The following DLEU7 variants were observed in gnomAD, a reference collection of about 807,000 sequenced individuals.
The protein encoded by DLEU7 is deleted in lymphocytic leukemia 7, also known as leukemia-associated protein 7.
Under a neutral mutation model 16.0 loss-of-function variants are expected in DLEU7, and 17 were observed. The observed-to-expected ratio is 1.06, with a 90% CI of 0.73 to 1.59. The LOEUF is 1.59. Ranked by LOEUF, DLEU7 falls within the 40% of genes most tolerant of loss-of-function variation. The pLI is 0.00. For synonymous variants in DLEU7, 113 were observed against 139.8 expected (o/e 0.81, Z 1.35); for missense variants, 308 against 314.9 (o/e 0.98, Z 0.17).
chr13:50,785,338 T>A (rs1875770353), intron 1 of DLEU7, among the ~76,000 whole-genome samples: 1 of 152,188 alleles, frequency 6.6e-6, no homozygotes, highest in Non-Finnish European at 1.5e-5. Flanking sequence ...ATCATAGTAA[T>A]CAGTGTAACA....
chr13:50,722,031 A>G (rs184192473), intron 1 of DLEU7, among the ~76,000 whole-genome samples: 84 of 152,310 alleles, frequency 5.5e-4, no homozygotes, highest in African/African-American at 1.7e-3. Context: ...TCACAGAGAA[A>G]GGTGAGAGCA....
chr13:50,766,279 T>C (rs1457819536), intron 1 of DLEU7, among the ~76,000 whole-genome samples: 1 of 152,186 alleles, frequency 6.6e-6, no homozygotes, highest in African/African-American at 2.4e-5. Context: ...CGGCATCATG[T>C]TCAGCACAGC....
intron 1 of DLEU7, among the ~76,000 whole-genome samples, chr13:50,799,193 C>T (rs970419209): frequency 2.0e-5 from 3 of 152,180 alleles, no homozygotes; most frequent in Non-Finnish European, 4.4e-5. Flanking sequence ...GTTTTATCCT[C>T]CTACACACAT....
intron 1 of DLEU7, among the ~76,000 whole-genome samples, chr13:50,794,206 A>G (rs1036534083): frequency 6.6e-6 from 1 of 152,208 alleles, no homozygotes; most frequent in African/African-American, 2.4e-5. Flanking sequence ...TGCCCAGCCA[A>G]GCACAGGTCA....
At chr13:50,767,896 C>T (rs1462051847) in intron 1 of DLEU7, among the ~76,000 whole-genome samples, 1 of 152,218 alleles carries the variant, frequency 6.6e-6, no homozygotes, top group African/African-American at 2.4e-5. Context: ...CAGCCAATCC[C>T]TCCAGGGTGG....
chr13:50,813,554 T>C (rs1338018748), intron 1 of DLEU7, among the ~76,000 whole-genome samples: 1 of 152,138 alleles, frequency 6.6e-6, no homozygotes, highest in African/African-American at 2.4e-5. Context: ...CATTATTATC[T>C]ACTTTAAAAA....
At chr13:50,720,410 T>G (rs1873568817) in intron 1 of DLEU7, among the ~76,000 whole-genome samples, 1 of 152,238 alleles carries the variant, frequency 6.6e-6, no homozygotes, top group Non-Finnish European at 1.5e-5. Context: ...TGAAACATCC[T>G]TTAGGTGAGC....
downstream of DLEU7, chr13:50,822,503 A>C (rs1329530378): frequency 6.3e-6 from 3 of 477,192 alleles, no homozygotes; most frequent in Non-Finnish European, 5.5e-6. Flanking sequence ...TGAAAAAAAA[A>C]AAATCACCTT....
chr13:50,803,853 A>G (rs1484499896), intron 1 of DLEU7, among the ~76,000 whole-genome samples: 1 of 152,060 alleles, frequency 6.6e-6, no homozygotes, highest in Non-Finnish European at 1.5e-5. Context: ...GTTTATTTTT[A>G]TATTGTCAGA....
intron 1 of DLEU7, among the ~76,000 whole-genome samples, chr13:50,750,139 A>G (rs957328349): frequency 6.6e-6 from 1 of 152,142 alleles, no homozygotes; most frequent in Non-Finnish European, 1.5e-5. Flanking sequence ...AACCAGTTTC[A>G]TTCTCCTATA....
At chr13:50,803,507 A>C (rs1342627439) in intron 1 of DLEU7, among the ~76,000 whole-genome samples, 1 of 152,146 alleles carries the variant, frequency 6.6e-6, no homozygotes, top group African/African-American at 2.4e-5. Flanking sequence ...GCTCTTGAAC[A>C]CTTGAAATGT....
chr13:50,742,202 A>G (rs1874269112), intron 1 of DLEU7, among the ~76,000 whole-genome samples: 1 of 152,214 alleles, frequency 6.6e-6, no homozygotes. Context: ...GAGTAATAGT[A>G]TACAGATATA....
intron 1 of DLEU7, among the ~76,000 whole-genome samples, chr13:50,734,361 T>C (rs933216010): frequency 6.6e-6 from 1 of 152,182 alleles, no homozygotes; most frequent in African/African-American, 2.4e-5. Flanking sequence ...TAAGGCTGCT[T>C]TCCACCTTAT....
intron 1 of DLEU7, among the ~76,000 whole-genome samples, chr13:50,782,235 C>T (rs1875669961): frequency 6.6e-6 from 1 of 152,166 alleles, no homozygotes; most frequent in Non-Finnish European, 1.5e-5. Flanking sequence ...GTCTTTGTAA[C>T]TAGACTTTAG....
At chr13:50,752,052 C>CTTTTTTTTTTTTTTTTTTTTTTTTT (rs200928092) in intron 1 of DLEU7, among the ~76,000 whole-genome samples, 3 of 135,738 alleles carry the variant, frequency 2.2e-5, no homozygotes, top group African/African-American at 8.3e-5. Flanking sequence ...CTCTTTCAGT[C>CTTTTTTTTTTTTTTTTTTTTTTTTT]TTTTTTTTTT....
At chr13:50,812,592 A>G (rs755182761) in intron 1 of DLEU7, among the ~76,000 whole-genome samples, 14 of 152,188 alleles carry the variant, frequency 9.2e-5, no homozygotes, top group Non-Finnish European at 2.1e-4. Flanking sequence ...GGTGTAGCAC[A>G]GCCCCTACCA....
chr13:50,723,756 A>G (rs1032032241), intron 1 of DLEU7, among the ~76,000 whole-genome samples: 1 of 152,120 alleles, frequency 6.6e-6, no homozygotes, highest in African/African-American at 2.4e-5. Flanking sequence ...TCCAAATTCC[A>G]TCACATTGGA....
intron 1 of DLEU7, among the ~76,000 whole-genome samples, chr13:50,716,638 G>T (rs1255527429): frequency 6.6e-6 from 1 of 152,230 alleles, no homozygotes. Flanking sequence ...CATGTGTAAG[G>T]TGGTAACAAC....
upstream of DLEU7, chr13:50,843,886 G>T (rs983156939): frequency 1.6e-5 from 8 of 510,664 alleles, no homozygotes; most frequent in African/African-American, 1.6e-4. The surrounding 1 kb of genome is among the most constrained non-coding windows in gnomAD (Gnocchi z 5.7). Context: ...GCGCTGCTCG[G>T]TGTGCACTTG....
Sources: gnomAD v4.1 joint callset for allele counts (sites outside exome capture counted in the v4.1 genomes callset) on GRCh38, gnomAD v4.1.1 for gene constraint, Gnocchi (gnomAD v3.1) non-coding constraint, MANE v1.5 for transcripts, NCBI Gene and HGNC (gene_info 2026-07-23, HGNC 2026-07-21) for gene names.